The following ACTR8 variants were observed in gnomAD, a reference collection of about 807,000 sequenced individuals.
The protein encoded by ACTR8 is actin related protein 8.
A neutral mutation model predicts 84.3 loss-of-function variants in ACTR8; 70 were observed. The ratio of observed to expected loss-of-function variants is 0.83; its 90% CI spans 0.68 to 1.01. The LOEUF is 1.01. Among genes scored for constraint, ACTR8 ranks in the 50% least tolerant of loss-of-function variants. The pLI is 0.00. For missense variants in ACTR8, 672 were observed against 775.4 expected (o/e 0.87, Z 1.58); for synonymous variants, 268 against 275.2 (o/e 0.97, Z 0.26).
rs1382371803 is a variant in ACTR8, at chr3:53,881,702, G to T, written c.123+277C>A. ...TATGGTCGGGGAAGCTGAGGCCAGA[G>T]CCCGGGCAGGAGCGCACACAACCAG... On this transcript the variant is annotated intron_variant, in intron 1 of 12. Coordinates refer to ENST00000335754, the MANE Select transcript of ACTR8 (RefSeq NM_022899.5). The T allele has an allele frequency of 1.9e-4, 101 of 538,542 alleles. 1 individual carries two copies. The highest frequency in any genetic ancestry group is 1.7e-3 in the South Asian group (83 of 49,542). The allele number at this position is 538,542 out of a possible 1,614,324, so 33.4% of individuals were successfully genotyped here.
downstream of ACTR8, chr3:53,864,729 C>CT: frequency 1.9e-6 from 3 of 1,567,626 alleles, no homozygotes; most frequent in Non-Finnish European, 2.6e-6. Context: ...ATAACAAATG[C>CT]TTTTCTCCTC....
At chr3:53,875,925 A>G (rs34431816) in intron 7 of ACTR8, 23 bp downstream of exon 7, 75,165 of 1,613,706 alleles carry the variant, frequency 0.047, 2,038 homozygotes, top group Middle Eastern at 0.077. Flanking sequence ...GAAACAGGGA[A>G]TGCCACCTTC....
chr3:53,872,293 G>A (rs1559791975), intron 10 of ACTR8, 91 bp downstream of exon 10: 1 of 1,344,416 alleles, frequency 7.4e-7, no homozygotes, highest in Non-Finnish European at 9.9e-7. Flanking sequence ...TATGCTGGAA[G>A]ATAGAACTGA....
At position 53,869,981 on chromosome 3, in the gene ACTR8, C is replaced by T. The variant is rs778593714; in HGVS notation, c.1731+1G>A. On this transcript the variant is annotated splice_donor_variant, in intron 12 of 12. Transcript: ENST00000335754. LOFTEE classifies it high-confidence loss of function. The stretch of plus-strand genomic sequence containing the variant: ...CCAACTTGCACAATGAAACAACCTA[C>T]CTTAGGCCTTGTGATCACATCCACA... 6.2e-7 allele frequency: 1 copy of T among 1,614,038 alleles called. No homozygotes were observed. Among genetic ancestry groups the T allele is most frequent in the East Asian group, 2.2e-5 (1 of 44,888 alleles).
intron 2 of ACTR8, among the ~76,000 whole-genome samples, chr3:53,879,027 T>C (rs1700019813): frequency 6.6e-6 from 1 of 152,264 alleles, no homozygotes; most frequent in Non-Finnish European, 1.5e-5. Context: ...GTTTACAGTT[T>C]TGACAATGAC....
chr3:53,878,561 C>T lies in ACTR8; in HGVS notation c.295-94G>A, dbSNP rs188036962. ...TAATTTAATCCAATCTTTGGAAATG[C>T]TCCTTCATCAACAAGTAGCGTTTCC... On this transcript the variant is annotated intron_variant, in intron 2 of 12. Transcript: ENST00000335754. 11 of 775,076 alleles carry T rather than the reference C, an allele frequency of 1.4e-5. No individual in the cohort carries two copies. The East Asian group carries it at 2.7e-4, about 19-fold the overall frequency. 48.0% of individuals were successfully genotyped at this position (775,076 alleles called of 1,614,324 possible).
downstream of ACTR8, chr3:53,865,308 G>A (rs1250720065): frequency 6.3e-7 from 1 of 1,599,344 alleles, no homozygotes; most frequent in Non-Finnish European, 8.5e-7. Context: ...GCTCCTTGTA[G>A]CCCACCCATG....
Position 53,870,173 on chromosome 3 carries a change from C to CT in ACTR8, c.1568-29dup. The CT allele has an allele frequency of 1.9e-6, 3 of 1,602,984 alleles. No individual in the cohort carries two copies. The highest frequency in any genetic ancestry group is 2.6e-6 in the Non-Finnish European group (3 of 1,171,498). On this transcript the variant is annotated intron_variant, in intron 11 of 12. Coordinates refer to ENST00000335754, the MANE Select transcript of ACTR8 (RefSeq NM_022899.5). The surrounding 1 kb of genome is among the most constrained non-coding windows in gnomAD (Gnocchi z 4.1). ...GAAAAGACAGTTGACATCCTCCATG[C>CT]TTTTTTCTCCACATCCATAATTCTA...
the ACTR8 span, chr3:53,859,768 T>C: frequency 6.2e-6 from 1 of 161,562 alleles, no homozygotes; most frequent in African/African-American, 2.4e-5. Flanking sequence ...GAGAATCTAA[T>C]GCAAGACCTG....
chr3:53,874,852 C>T (rs927430330), intron 7 of ACTR8, among the ~76,000 whole-genome samples: 8 of 152,114 alleles, frequency 5.3e-5, no homozygotes, highest in Middle Eastern at 3.2e-3. Context: ...AAAGGAACTT[C>T]AGCAAAAACC....
intron 1 of ACTR8, among the ~76,000 whole-genome samples, chr3:53,881,155 T>C (rs547458096): frequency 6.6e-6 from 1 of 152,346 alleles, no homozygotes; most frequent in South Asian, 2.1e-4. Flanking sequence ...GTCATACTAG[T>C]GATAACTAAC....
chr3:53,871,766 A>C (rs893429908), intron 10 of ACTR8, among the ~76,000 whole-genome samples: 8 of 152,206 alleles, frequency 5.3e-5, no homozygotes, highest in Non-Finnish European at 1.0e-4. Flanking sequence ...AAAGTGAAAT[A>C]CCAGTGCAGA....
intron 2 of ACTR8, among the ~76,000 whole-genome samples, chr3:53,878,763 G>A (rs1700014042): frequency 1.3e-5 from 2 of 152,132 alleles, no homozygotes; most frequent in South Asian, 4.1e-4. Context: ...GGTGGAAGGT[G>A]CAATGAGCCG....
chr3:53,869,815 G>A (rs967311752), intron 12 of ACTR8, among the ~76,000 whole-genome samples, 167 bp downstream of exon 12: 8 of 152,194 alleles, frequency 5.3e-5, no homozygotes, highest in African/African-American at 1.9e-4. Flanking sequence ...CCTTAGGCCA[G>A]AGCACCTTCC....
chr3:53,878,157 A>G (rs1559795072), intron 3 of ACTR8, among the ~76,000 whole-genome samples, 200 bp downstream of exon 3: 1 of 152,302 alleles, frequency 6.6e-6, no homozygotes, highest in East Asian at 1.9e-4. Flanking sequence ...CAACTTGCCT[A>G]CCACCACCTT....
chr3:53,865,165 G>T (rs778086828), downstream of ACTR8: 2 of 1,614,112 alleles, frequency 1.2e-6, no homozygotes, highest in Middle Eastern at 1.6e-4. Flanking sequence ...TACAAAAGAC[G>T]ATTACAATGC....
Position 53,872,501 on chromosome 3 carries a change from G to C in ACTR8, c.1185C>G (p.Pro395=). ...TCTGTCCAACGATTCCAAAAGTTGC[G>C]GGGTAAAACAAAGCCATTGGAGCCT... is the stretch of plus-strand genomic sequence containing the variant. The part of the protein sequence containing the change: ...KLQAPMALFY[P]ATFGIVGQKM... The change falls in exon 10 of 13, where the codon CCC becomes CCG. Residue 395 remains proline (P), a synonymous_variant. Transcript: ENST00000335754. 1 of 1,608,480 alleles carries C rather than the reference G, an allele frequency of 6.2e-7. No homozygotes were observed. Among genetic ancestry groups the C allele is most frequent in the Admixed American group, 1.7e-5 (1 of 58,724 alleles).
downstream of ACTR8, among the ~76,000 whole-genome samples, chr3:53,866,526 G>C (rs1699784873): frequency 6.6e-6 from 1 of 151,230 alleles, no homozygotes; most frequent in Non-Finnish European, 1.5e-5. Context: ...CTGTCACCCA[G>C]GCTGGAGTGC....
chr3:53,861,780 C>T, the ACTR8 span, among the ~76,000 whole-genome samples: 1 of 152,172 alleles, frequency 6.6e-6, no homozygotes, highest in African/African-American at 2.4e-5. Context: ...TTAAGAAAAT[C>T]ACTGAGGAGA....
Sources: allele counts gnomAD v4.1 joint callset (sites outside exome capture counted in the v4.1 genomes callset), GRCh38; gene constraint gnomAD v4.1.1; non-coding constraint Gnocchi (gnomAD v3.1); transcripts MANE v1.5; gene names NCBI Gene and HGNC (gene_info 2026-07-23, HGNC 2026-07-21).